The following GPC5 variants were observed in gnomAD, a reference collection of about 807,000 sequenced individuals.
GPC5 encodes glypican-5.
GPC5 carries 47 observed loss-of-function variants against 53.9 expected under a neutral mutation model. That is an observed-to-expected ratio of 0.87 (90% CI 0.69 to 1.11). The LOEUF (loss-of-function observed/expected upper bound fraction) is 1.11, where lower values mean the gene tolerates loss of function less well. Among genes scored for constraint, GPC5 ranks in the 50% most tolerant of loss-of-function variants. GPC5 has a pLI of 0.00. For synonymous variants in GPC5, 286 were observed against 263.3 expected (o/e 1.09, Z -0.84); for missense variants, 748 against 713.1 (o/e 1.05, Z -0.56).
intron 6 of GPC5, among the ~76,000 whole-genome samples, chr13:91,998,325 T>C (rs1451954132): frequency 6.6e-6 from 1 of 152,222 alleles, no homozygotes; most frequent in African/African-American, 2.4e-5. Flanking sequence ...CTCTTCAAGA[T>C]TATCTTGGCC....
intron 7 of GPC5, among the ~76,000 whole-genome samples, chr13:92,806,077 T>C (rs750991745): frequency 8.5e-5 from 13 of 152,080 alleles, no homozygotes; most frequent in Non-Finnish European, 1.5e-4. Context: ...TTTGTTTCCA[T>C]TGAAAATCTA....
intron 2 of GPC5, among the ~76,000 whole-genome samples, chr13:91,612,145 CAA>C (rs1159361425): frequency 1.3e-5 from 2 of 152,154 alleles, no homozygotes; most frequent in African/African-American, 4.8e-5. Flanking sequence ...GAATACTAAA[CAA>C]GAGATAAATG....
At chr13:92,613,324 T>A (rs374626518) in intron 7 of GPC5, among the ~76,000 whole-genome samples, 2 of 105,846 alleles carry the variant, frequency 1.9e-5, no homozygotes, top group African/African-American at 8.4e-5. Flanking sequence ...TAATAAATAT[T>A]TATATAATAT....
At chr13:92,675,518 A>G (rs1342740091) in intron 7 of GPC5, among the ~76,000 whole-genome samples, 3 of 152,124 alleles carry the variant, frequency 2.0e-5, no homozygotes, top group Non-Finnish European at 4.4e-5. Flanking sequence ...GATATGATTC[A>G]TAATTCCACC....
chr13:92,554,426 A>G (rs1882424667), intron 7 of GPC5, among the ~76,000 whole-genome samples: 2 of 151,750 alleles, frequency 1.3e-5, no homozygotes, highest in South Asian at 4.1e-4. Context: ...ACCACATCAT[A>G]CTTTTAATTT....
chr13:92,172,581 A>G (rs2139023711), intron 7 of GPC5, among the ~76,000 whole-genome samples: 1 of 152,334 alleles, frequency 6.6e-6, no homozygotes, highest in Non-Finnish European at 1.5e-5. Flanking sequence ...AAAATTTTCA[A>G]GTGCTCATAG....
intron 6 of GPC5, among the ~76,000 whole-genome samples, chr13:91,913,426 GT>G (rs1188108528): frequency 1.3e-5 from 2 of 151,268 alleles, no homozygotes; most frequent in Non-Finnish European, 2.9e-5. Flanking sequence ...AAGAAAAGGA[GT>G]TTTGAGACTT....
chr13:92,498,647 ACT>A (rs775397220), intron 7 of GPC5, among the ~76,000 whole-genome samples: 2 of 151,422 alleles, frequency 1.3e-5, no homozygotes, highest in Non-Finnish European at 2.9e-5. Flanking sequence ...AGGGTGGGAG[ACT>A]CTCCTGCCCT....
intron 7 of GPC5, among the ~76,000 whole-genome samples, chr13:92,362,622 C>T (rs886095286): frequency 3.3e-5 from 5 of 151,888 alleles, no homozygotes; most frequent in Admixed American, 1.3e-4. Flanking sequence ...AAAATCTCAG[C>T]ACATAATTCA....
intron 1 of GPC5, among the ~76,000 whole-genome samples, chr13:91,413,676 G>C (rs1465694450): frequency 1.3e-5 from 2 of 152,336 alleles, no homozygotes; most frequent in East Asian, 1.9e-4. Context: ...TCCTGGGATT[G>C]AGTCCAATAG....
intron 6 of GPC5, among the ~76,000 whole-genome samples, chr13:92,012,507 A>G (rs2040670784): frequency 6.6e-6 from 1 of 152,136 alleles, no homozygotes; most frequent in African/African-American, 2.4e-5. Context: ...GAATGAAAGA[A>G]CATAGCACTT....
intron 2 of GPC5, among the ~76,000 whole-genome samples, chr13:91,552,988 C>A (rs1357743186): frequency 6.6e-6 from 1 of 152,054 alleles, no homozygotes; most frequent in African/African-American, 2.4e-5. Flanking sequence ...AATGGTGCAT[C>A]ATGGTTCAAC....
intron 7 of GPC5, among the ~76,000 whole-genome samples, chr13:92,299,756 AACTT>A (rs2043062565): frequency 6.6e-6 from 1 of 152,198 alleles, no homozygotes; most frequent in South Asian, 2.1e-4. Flanking sequence ...GTGTACATTT[AACTT>A]ACTAAGAAGT....
intron 6 of GPC5, among the ~76,000 whole-genome samples, chr13:92,057,884 G>T (rs909189168): frequency 4.6e-5 from 7 of 151,942 alleles, no homozygotes; most frequent in African/African-American, 1.7e-4. Context: ...TTTTATTGGG[G>T]TACAGAGGAA....
At chr13:91,524,935 C>T (rs1179484993) in intron 2 of GPC5, among the ~76,000 whole-genome samples, 9 of 152,114 alleles carry the variant, frequency 5.9e-5, no homozygotes, top group Non-Finnish European at 1.3e-4. Flanking sequence ...AAAATGTTCC[C>T]TCTTGTATTA....
At chr13:91,740,298 T>A (rs1007645136) in intron 4 of GPC5, among the ~76,000 whole-genome samples, 2 of 152,202 alleles carry the variant, frequency 1.3e-5, no homozygotes, top group South Asian at 4.1e-4. Flanking sequence ...GAGAAATCTC[T>A]TAATATTCCC....
intron 7 of GPC5, among the ~76,000 whole-genome samples, chr13:92,350,226 G>A (rs894590651): frequency 5.3e-5 from 8 of 152,106 alleles, no homozygotes; most frequent in African/African-American, 1.9e-4. Flanking sequence ...TATAGAAAGA[G>A]TGTACCTGAA....
intron 6 of GPC5, among the ~76,000 whole-genome samples, chr13:92,002,187 C>T (rs2040561790): frequency 6.6e-6 from 1 of 151,846 alleles, no homozygotes; most frequent in African/African-American, 2.4e-5. Flanking sequence ...GGAATACCTA[C>T]ATATACCTAA....
intron 7 of GPC5, among the ~76,000 whole-genome samples, chr13:92,865,654 C>T (rs970104256): frequency 3.3e-5 from 5 of 152,090 alleles, no homozygotes; most frequent in Non-Finnish European, 7.4e-5. Context: ...TCAAATGTTC[C>T]CTCCACAAGA....
Sources: allele counts gnomAD v4.1 joint callset (sites outside exome capture counted in the v4.1 genomes callset), GRCh38; gene constraint gnomAD v4.1.1; transcripts MANE v1.5; gene names NCBI Gene and HGNC (gene_info 2026-07-23, HGNC 2026-07-21).